IGSF11: variants seen among roughly 807,000 people sequenced by gnomAD.
The protein encoded by IGSF11 is CXADR like 1.
Under a neutral mutation model 41.0 loss-of-function variants are expected in IGSF11, and 22 were observed. The ratio of observed to expected loss-of-function variants is 0.54; its 90% CI spans 0.38 to 0.77. IGSF11 has a LOEUF of 0.77. Ranked by LOEUF, IGSF11 falls within the 30% of genes least tolerant of loss-of-function variation. IGSF11 has a pLI of 0.00. For missense variants in IGSF11, 444 were observed against 530.8 expected, an observed-to-expected ratio of 0.84 and a Z score of 1.61; for synonymous variants, 219 against 201.3, an observed-to-expected ratio of 1.09 and a Z score of -0.74.
chr3:119,142,274 C>CAAA (rs11328968), intron 1 of IGSF11, among the ~76,000 whole-genome samples: 4,563 of 81,656 alleles, frequency 0.056, 158 homozygotes, highest in Admixed American at 0.15. Context: ...GACTCCATCT[C>CAAA]AAAAAAAAAA....
chr3:119,111,752 T>C (rs560660145), intron 1 of IGSF11, among the ~76,000 whole-genome samples: 2 of 152,324 alleles, frequency 1.3e-5, no homozygotes, highest in Admixed American at 6.5e-5. Flanking sequence ...ATGATGGTGA[T>C]GTACAGATGG....
chr3:118,995,286 G>T (rs907145030), intron 1 of IGSF11, among the ~76,000 whole-genome samples: 1 of 152,108 alleles, frequency 6.6e-6, no homozygotes, highest in Non-Finnish European at 1.5e-5. Flanking sequence ...ATAGTAACCC[G>T]AGACGAAAGA....
intron 1 of IGSF11, among the ~76,000 whole-genome samples, chr3:119,092,004 GGT>G (rs766338651): frequency 7.2e-6 from 1 of 138,704 alleles, no homozygotes; most frequent in Non-Finnish European, 1.6e-5. Flanking sequence ...GGGGGGGGGG[GGT>G]TGGTGGTTTT....
intron 4 of IGSF11, among the ~76,000 whole-genome samples, chr3:118,923,555 C>A (rs917309423): frequency 6.6e-6 from 1 of 152,148 alleles, no homozygotes; most frequent in African/African-American, 2.4e-5. Context: ...GATTCTAAGC[C>A]AAGATTCTTC....
chr3:119,044,621 A>C (rs1327054524), intron 1 of IGSF11, among the ~76,000 whole-genome samples: 2 of 152,192 alleles, frequency 1.3e-5, no homozygotes, highest in South Asian at 2.1e-4. Flanking sequence ...AGGTTATCTA[A>C]TATTAAGATG....
intron 1 of IGSF11, among the ~76,000 whole-genome samples, chr3:118,963,332 GTCTC>G (rs1945467091): frequency 1.3e-5 from 2 of 152,224 alleles, no homozygotes; most frequent in South Asian, 2.1e-4. Context: ...TCAATGGATT[GTCTC>G]TCTCTGACAA....
intron 1 of IGSF11, among the ~76,000 whole-genome samples, chr3:118,967,762 G>A (rs1945784866): frequency 6.6e-6 from 1 of 152,162 alleles, no homozygotes; most frequent in African/African-American, 2.4e-5. Context: ...ATAAGCAAAT[G>A]AGAAAGCAAG....
chr3:119,107,756 A>T (rs1294364475), upstream of IGSF11, among the ~76,000 whole-genome samples: 2 of 152,074 alleles, frequency 1.3e-5, no homozygotes, highest in Admixed American at 6.6e-5. Flanking sequence ...CCTTGAATTA[A>T]TTTTTCTATA....
At position 118,986,439 on chromosome 3, in the gene IGSF11, C is replaced by T. The variant is rs980548063; in HGVS notation, c.52+48092G>A. Among the ~76,000 whole-genome samples the T allele has an allele frequency of 2.6e-5, 4 of 152,154 alleles. No homozygotes were observed. The East Asian group carries it at 5.8e-4, about 22-fold the overall frequency. On this transcript the variant is annotated intron_variant, in intron 1 of 6. Transcript: ENST00000393775. ...TAAGTGCCTCAATTTCTGCTTTATA[C>T]TATCTGTAACATTTTCTGTTAGTTT... is the stretch of plus-strand genomic sequence containing the variant.
rs192378575 is a variant in IGSF11, at chr3:119,051,285, C to T, written c.49+53859G>A. Among the ~76,000 whole-genome samples the T allele has an allele frequency of 3.4e-3, 519 of 151,786 alleles. 6 individuals are homozygous for T. Among genetic ancestry groups the T allele is most frequent in the Admixed American group, 8.7e-3 (132 of 15,242 alleles). On this transcript the variant is annotated intron_variant, in intron 1 of 6. Coordinates refer to the IGSF11 transcript ENST00000354673. ...AGGTAAAGTGGTAGAAAAAGATATT[C>T]CATGCAAATGGAAACCAAAAGTAAG...
At chr3:119,116,393 A>T (rs2077256324) in intron 1 of IGSF11, among the ~76,000 whole-genome samples, 2 of 152,176 alleles carry the variant, frequency 1.3e-5, no homozygotes, top group Admixed American at 1.3e-4. Context: ...CTAGGTCTCC[A>T]ACTTGCAAAC....
intron 1 of IGSF11, among the ~76,000 whole-genome samples, chr3:119,136,098 G>A (rs562411527): frequency 6.6e-6 from 1 of 152,250 alleles, no homozygotes; most frequent in South Asian, 2.1e-4. Context: ...AGCATTAGGA[G>A]AAATATCTAA....
chr3:118,990,526 A>G (rs1935693186), intron 1 of IGSF11, among the ~76,000 whole-genome samples: 1 of 152,208 alleles, frequency 6.6e-6, no homozygotes, highest in Non-Finnish European at 1.5e-5. Flanking sequence ...TAGACCTGGG[A>G]ATGAAATACA....
At chr3:119,087,393 C>T (rs1007121408) in intron 1 of IGSF11, among the ~76,000 whole-genome samples, 2 of 150,136 alleles carry the variant, frequency 1.3e-5, no homozygotes, top group African/African-American at 5.0e-5. Flanking sequence ...CACACACACA[C>T]ACACACACAT....
upstream of IGSF11, among the ~76,000 whole-genome samples, chr3:119,036,472 G>A (rs35862): frequency 6.6e-6 from 1 of 151,994 alleles, no homozygotes; most frequent in Non-Finnish European, 1.5e-5. Context: ...ACAAGGAAGC[G>A]GTCAAGTGAT....
Position 118,901,207 on chromosome 3 carries a change from G to A in IGSF11, c.*1313C>T, listed in dbSNP as rs1938808611. Reference sequence around the variant, plus strand: ...GATCTACATAGCACAAAATAAAGTGGGGGAGTTTGTAAATTAATCTGGTGA... The same window carrying A: ...GATCTACATAGCACAAAATAAAGTGAGGGAGTTTGTAAATTAATCTGGTGA... On this transcript the variant is annotated 3_prime_UTR_variant, in exon 7 of 7. Coordinates refer to ENST00000393775, the MANE Select transcript of IGSF11 (RefSeq NM_001015887.3). 1 of 152,168 alleles carries A rather than the reference G, an allele frequency of 6.6e-6. No homozygotes were observed. The highest frequency in any genetic ancestry group is 1.5e-5 in the Non-Finnish European group (1 of 68,042). 9.4% of individuals were successfully genotyped at this position (152,168 alleles called of 1,614,324 possible).
intron 1 of IGSF11, among the ~76,000 whole-genome samples, chr3:118,934,050 G>C (rs1026758386): frequency 2.0e-5 from 3 of 152,022 alleles, no homozygotes; most frequent in Non-Finnish European, 4.4e-5. Flanking sequence ...TATTTAAACT[G>C]AAAACAAAAT....
chr3:119,055,828 A>C (rs531828987), intron 1 of IGSF11, among the ~76,000 whole-genome samples: 20 of 152,072 alleles, frequency 1.3e-4, no homozygotes, highest in Non-Finnish European at 2.1e-4. Flanking sequence ...CACTCAAAAC[A>C]GCTCAACTAC....
intron 1 of IGSF11, among the ~76,000 whole-genome samples, chr3:119,138,979 A>G (rs925935090): frequency 1.3e-5 from 2 of 152,176 alleles, no homozygotes; most frequent in Non-Finnish European, 2.9e-5. Context: ...TAGTATAGAA[A>G]AAAAATTAAT....
Sources: allele counts gnomAD v4.1 joint callset (sites outside exome capture counted in the v4.1 genomes callset), GRCh38; gene constraint gnomAD v4.1.1; transcripts MANE v1.5; gene names NCBI Gene and HGNC (gene_info 2026-07-23, HGNC 2026-07-21).